Variants in ZNF831 observed in about 807,000 individuals in gnomAD.
ZNF831 encodes zinc finger protein 831, also known as chromosome 20 open reading frame 174.
ZNF831 carries 59 observed loss-of-function variants against 95.8 expected under a neutral mutation model. That is an observed-to-expected ratio of 0.62 (90% CI 0.50 to 0.77). The LOEUF is 0.77. Ranked by LOEUF, ZNF831 falls within the 30% of genes least tolerant of loss-of-function variation. The pLI is 0.00. For missense variants in ZNF831, 2,205 were observed against 2,164.0 expected (o/e 1.02, Z -0.38); for synonymous variants, 961 against 925.5 (o/e 1.04, Z -0.70).
chr20:59,253,859 T>TG lies in ZNF831; in HGVS notation c.4189-39_4189-38insG. 7.6e-6 allele frequency: 7 copies of TG among 915,758 alleles called. 1 individual carries two copies. The highest frequency in any genetic ancestry group is 4.8e-5 in the South Asian group (2 of 41,466). The allele number at this position is 915,758 out of a possible 1,614,324, so 56.7% of individuals were successfully genotyped here. ...ACATTTTTCTTTGTACCAATTAACC[T>TG]CCCCCCCCACTTTTTTTTTCCTTTG... On this transcript the variant is annotated intron_variant, in intron 5 of 5. Transcript: ENST00000371030.
At chr20:59,139,435 T>C (rs1355320269) in intron 1 of ZNF831, among the ~76,000 whole-genome samples, 2 of 152,232 alleles carry the variant, frequency 1.3e-5, no homozygotes, top group Admixed American at 6.5e-5. Flanking sequence ...CCTAAAGTTT[T>C]TAACATGATT....
chr20:59,198,090 G>T lies in ZNF831; in HGVS notation c.3875+2085G>T, dbSNP rs573063945. Reference sequence around the variant, plus strand: ...CGAAAATATTTACCATGTACCTGCTGTGTGCCTGGTGCCCACACCTGGAGG... The same window carrying T: ...CGAAAATATTTACCATGTACCTGCTTTGTGCCTGGTGCCCACACCTGGAGG... On this transcript the variant is annotated intron_variant, in intron 3 of 5. Transcript: ENST00000371030. Among the ~76,000 whole-genome samples the T allele has an allele frequency of 1.7e-4, 26 of 152,248 alleles. No individual in the cohort carries two copies. The South Asian group carries it at 5.2e-3, about 30-fold the overall frequency.
intron 2 of ZNF831, among the ~76,000 whole-genome samples, chr20:59,156,086 T>C (rs1157678234): frequency 1.3e-5 from 2 of 152,214 alleles, no homozygotes; most frequent in Non-Finnish European, 2.9e-5. Context: ...GTATTTAACA[T>C]ACACTGTATG....
intron 4 of ZNF831, among the ~76,000 whole-genome samples, chr20:59,241,359 G>GA (rs769396068): frequency 0.02 from 2,972 of 145,092 alleles, 70 homozygotes; most frequent in African/African-American, 0.059. Context: ...GGCTTTTGCT[G>GA]AAAAAAAAAA....
chr20:59,192,995 C>A lies in ZNF831; in HGVS notation c.1976C>A (p.Pro659His), dbSNP rs2146575462. The A allele has an allele frequency of 6.3e-7, 1 of 1,579,078 alleles. No individual in the cohort carries two copies. The change falls in exon 2 of 6, where the codon CCT becomes CAT. Residue 659 changes from proline (P) to histidine (H), a missense_variant. Physicochemically the swap from Pro to His is moderately conservative, Grantham distance 77. Coordinates refer to ENST00000371030, the MANE Select transcript of ZNF831 (RefSeq NM_178457.3). This position sits in a 1 kb window ranked among gnomAD's most constrained non-coding sequence, Gnocchi z 5.2. ...GGCAGTGGGGCAGAACTGGGCTTTC[C>A]TCTGCAGAAAGAGGCAGCAGGGAGC... is the stretch of plus-strand genomic sequence containing the variant. ...GMGSGAELGF[P>H]LQKEAAGSSG...
At chr20:59,222,999 C>T (rs1237213911) in intron 4 of ZNF831, among the ~76,000 whole-genome samples, 1 of 152,176 alleles carries the variant, frequency 6.6e-6, no homozygotes, top group Non-Finnish European at 1.5e-5. Context: ...CCGCACCAGA[C>T]GACCCCAGCC....
intron 3 of ZNF831, among the ~76,000 whole-genome samples, chr20:59,200,337 C>T (rs1168671466): frequency 6.6e-6 from 1 of 152,016 alleles, no homozygotes; most frequent in Non-Finnish European, 1.5e-5. Context: ...ATATATTAGT[C>T]CTTTTCTATC....
intron 2 of ZNF831, among the ~76,000 whole-genome samples, chr20:59,155,615 C>T (rs950720205): frequency 6.6e-5 from 10 of 152,320 alleles, no homozygotes; most frequent in Admixed American, 3.9e-4. Flanking sequence ...AGCTGGCTTC[C>T]GCTGCCCAGC....
intron 1 of ZNF831, among the ~76,000 whole-genome samples, chr20:59,140,541 T>G (rs1979646295): frequency 6.6e-6 from 1 of 152,176 alleles, no homozygotes; most frequent in Admixed American, 6.5e-5. Context: ...TAATTATAGA[T>G]CCACAGGAAG....
intron 1 of ZNF831, among the ~76,000 whole-genome samples, chr20:59,128,327 A>G (rs60772640): frequency 0.011 from 1,626 of 152,296 alleles, 36 homozygotes; most frequent in African/African-American, 0.038. Context: ...TGTCCCTGCA[A>G]GGGTATGGAA....
intron 4 of ZNF831, among the ~76,000 whole-genome samples, chr20:59,225,393 C>T (rs563188145): frequency 6.6e-6 from 1 of 152,316 alleles, no homozygotes; most frequent in African/African-American, 2.4e-5. Context: ...CATATTTCTT[C>T]TTTGCTTCCA....
At chr20:59,172,568 C>T (rs1206572587) in intron 1 of ZNF831, among the ~76,000 whole-genome samples, 1 of 152,146 alleles carries the variant, frequency 6.6e-6, no homozygotes, top group Non-Finnish European at 1.5e-5. Flanking sequence ...TGTGATACAC[C>T]CGGCCCAGCA....
chr20:59,135,882 G>C (rs1364524727), intron 1 of ZNF831, among the ~76,000 whole-genome samples: 1 of 152,190 alleles, frequency 6.6e-6, no homozygotes, highest in Non-Finnish European at 1.5e-5. Context: ...GCTGAGGTGG[G>C]AGGATTGCTT....
intron 2 of ZNF831, among the ~76,000 whole-genome samples, chr20:59,158,231 C>A (rs757700668): frequency 6.6e-6 from 1 of 152,204 alleles, no homozygotes; most frequent in Non-Finnish European, 1.5e-5. Context: ...TCCGGGGGAG[C>A]ATTGGGCACT....
intron 2 of ZNF831, among the ~76,000 whole-genome samples, chr20:59,152,253 A>G (rs1980287516): frequency 6.6e-6 from 1 of 152,172 alleles, no homozygotes; most frequent in Non-Finnish European, 1.5e-5. Context: ...ACTACAATGT[A>G]AGACAGGCAT....
chr20:59,237,571 T>C (rs1899934021), intron 4 of ZNF831, among the ~76,000 whole-genome samples: 1 of 152,180 alleles, frequency 6.6e-6, no homozygotes, highest in Non-Finnish European at 1.5e-5. Context: ...GGTCTCGAGC[T>C]CTTGACCTCA....
At chr20:59,161,798 G>A (rs1980887122), upstream of ZNF831, among the ~76,000 whole-genome samples, 1 of 152,238 alleles carries the variant, frequency 6.6e-6, no homozygotes, top group Middle Eastern at 3.4e-3. Context: ...TTGCTGGGTC[G>A]AATGGTAGTT....
intron 3 of ZNF831, among the ~76,000 whole-genome samples, chr20:59,206,509 G>A (rs1461205037): frequency 1.3e-5 from 2 of 152,184 alleles, no homozygotes; most frequent in Non-Finnish European, 2.9e-5. Flanking sequence ...AGCTACATGG[G>A]CCTAATGGCT....
Position 59,156,625 on chromosome 20 carries a change from C to A in ZNF831, c.-1280-3027C>A, listed in dbSNP as rs531166917. Among the ~76,000 whole-genome samples, 5 of 152,272 alleles carry A rather than the reference C, an allele frequency of 3.3e-5. No homozygotes were observed. The South Asian group carries it at 1.0e-3, about 32-fold the overall frequency. On this transcript the variant is annotated intron_variant, in intron 2 of 7. Transcript: ENST00000637017. ...CTAGGCCTCCAGAACTTAGCCATCT[C>A]GCATAACTGAAACTTTGTAGCCTTT...
Sources: gnomAD v4.1 joint callset for allele counts (sites outside exome capture counted in the v4.1 genomes callset) on GRCh38, gnomAD v4.1.1 for gene constraint, Gnocchi (gnomAD v3.1) non-coding constraint, MANE v1.5 for transcripts, NCBI Gene and HGNC (gene_info 2026-07-23, HGNC 2026-07-21) for gene names.